Variants in GSG1L observed in about 807,000 individuals in gnomAD.
GSG1L encodes the protein germ cell-specific gene 1-like protein.
In GSG1L, 24 loss-of-function variants were observed where a neutral mutation model predicts 42.1. The observed-to-expected ratio is 0.57, with a 90% confidence interval of 0.41 to 0.80. GSG1L has a LOEUF of 0.80. GSG1L is among the 30% of genes least tolerant of loss of function. The probability of loss-of-function intolerance (pLI) is 0.00; values close to 1 mark genes in which losing one functional copy is unlikely to be tolerated. For missense variants in GSG1L, 445 were observed against 472.2 expected, an observed-to-expected ratio of 0.94 and a Z score of 0.53; for synonymous variants, 215 against 203.5, an observed-to-expected ratio of 1.06 and a Z score of -0.48.
intron 6 of GSG1L, among the ~76,000 whole-genome samples, chr16:27,803,337 C>T (rs1436752423): frequency 6.6e-6 from 1 of 152,074 alleles, no homozygotes; most frequent in Non-Finnish European, 1.5e-5. Flanking sequence ...TGCGGCAGCC[C>T]TTGAACAATG....
At chr16:28,039,582 C>T (rs2086081488) in intron 1 of GSG1L, among the ~76,000 whole-genome samples, 1 of 150,372 alleles carries the variant, frequency 6.7e-6, no homozygotes, top group African/African-American at 2.4e-5. Flanking sequence ...CACACGCGCA[C>T]ACATGCACAT....
intron 1 of GSG1L, among the ~76,000 whole-genome samples, chr16:27,969,952 T>G (rs1228867126): frequency 6.6e-6 from 1 of 152,246 alleles, no homozygotes; most frequent in African/African-American, 2.4e-5. Flanking sequence ...ATTTTCTTAA[T>G]GACTAATGAT....
At chr16:28,024,206 C>T (rs578200806) in intron 1 of GSG1L, among the ~76,000 whole-genome samples, 20 of 152,238 alleles carry the variant, frequency 1.3e-4, no homozygotes, top group South Asian at 4.1e-4. Flanking sequence ...AACTCGATGC[C>T]CCCAGGGTTC....
chr16:27,974,984 T>G (rs1002029623), intron 1 of GSG1L, among the ~76,000 whole-genome samples: 1 of 151,988 alleles, frequency 6.6e-6, no homozygotes, highest in Admixed American at 6.6e-5. Flanking sequence ...GAAAGGAGCC[T>G]GGAAGAGGTG....
At chr16:28,057,215 T>C (rs987805281) in intron 1 of GSG1L, among the ~76,000 whole-genome samples, 5 of 151,960 alleles carry the variant, frequency 3.3e-5, no homozygotes, top group African/African-American at 1.2e-4. Context: ...CCGCCTCAGA[T>C]GGAACAGGGA....
Position 27,884,410 on chromosome 16 carries a change from C to A in GSG1L, c.550+76G>T. 1.4e-6 allele frequency: 2 copies of A among 1,404,348 alleles called. No individual in the cohort carries two copies. Among genetic ancestry groups the A allele is most frequent in the Non-Finnish European group, 1.9e-6 (2 of 1,041,448 alleles). The allele number at this position is 1,404,348 out of a possible 1,614,324, so 87.0% of individuals were successfully genotyped here. On this transcript the variant is annotated intron_variant, in intron 3 of 6. Transcript: ENST00000447459. This position sits in a 1 kb window ranked among gnomAD's most constrained non-coding sequence, Gnocchi z 4.4. ...TTTGTCCAATGCCTCCCGGTTGGTA[C>A]AACCAGGGCTTACTCCAAGGGCAGC...
At chr16:27,895,988 C>A (rs1051545422) in intron 2 of GSG1L, among the ~76,000 whole-genome samples, 1 of 152,156 alleles carries the variant, frequency 6.6e-6, no homozygotes, top group African/African-American at 2.4e-5. Flanking sequence ...GGTCTACAAA[C>A]CAGCAGCGTC....
chr16:27,824,633 T>C (rs986689776), intron 5 of GSG1L, among the ~76,000 whole-genome samples: 3 of 152,180 alleles, frequency 2.0e-5, no homozygotes, highest in Admixed American at 6.5e-5. Context: ...TAAAATTTGA[T>C]GAACCTCTGC....
In GSG1L at chr16:27,996,576, G is replaced by A. The variant is rs181400920; in HGVS notation, c.350-33373C>T. 2.6e-5 allele frequency among the ~76,000 whole-genome samples: 4 copies of A among 152,086 alleles called. No homozygotes were observed. The East Asian group carries it at 7.7e-4, about 29-fold the overall frequency. On this transcript the variant is annotated intron_variant, in intron 1 of 6. Coordinates refer to ENST00000447459, the MANE Select transcript of GSG1L (RefSeq NM_001109763.2). The stretch of plus-strand genomic sequence containing the variant: ...GAATATTAGTAGTACATGGAAAAGT[G>A]GGGACCTCACTGAAGTTTGAGACCC...
chr16:27,968,692 C>T (rs186536232), intron 1 of GSG1L, among the ~76,000 whole-genome samples: 1 of 152,300 alleles, frequency 6.6e-6, no homozygotes, highest in Non-Finnish European at 1.5e-5. Flanking sequence ...GCAGCAGGCT[C>T]CCAGCTCTCA....
intron 2 of GSG1L, among the ~76,000 whole-genome samples, chr16:27,911,490 C>T (rs983535547): frequency 1.2e-4 from 19 of 152,180 alleles, no homozygotes; most frequent in Non-Finnish European, 2.2e-4. Context: ...TGGTGTTTGG[C>T]CATGTTGGCC....
intron 6 of GSG1L, among the ~76,000 whole-genome samples, chr16:27,795,075 T>C (rs1192061777): frequency 6.6e-6 from 1 of 152,060 alleles, no homozygotes; most frequent in African/African-American, 2.4e-5. Context: ...CCAATGAAAC[T>C]GGGGATGGGA....
At chr16:27,837,046 C>G (rs557602005) in intron 4 of GSG1L, among the ~76,000 whole-genome samples, 1 of 152,276 alleles carries the variant, frequency 6.6e-6, no homozygotes, top group South Asian at 2.1e-4. Context: ...CTAGGTTTCC[C>G]ACTGGGCGAG....
At position 27,947,378 on chromosome 16, in the gene GSG1L, G is replaced by GAAAGAA. The variant is rs1312779033; in HGVS notation, c.397+15772_397+15777dup. ...GAAGGAGGAGGAGGAGAGAAAGAAA[G>GAAAGAA]AAAGAAAAAGAAAGAAAGAAAGAAA... On this transcript the variant is annotated intron_variant, in intron 2 of 6. Coordinates refer to ENST00000447459, the MANE Select transcript of GSG1L (RefSeq NM_001109763.2). Among the ~76,000 whole-genome samples, 8 of 94,216 alleles carry GAAAGAA rather than the reference G, an allele frequency of 8.5e-5. No homozygotes were observed. In the Admixed American group the frequency reaches 1.1e-3, roughly 13 times the overall value. The allele number at this position is 94,216 out of a possible 152,430, so 61.8% of individuals were successfully genotyped here. A position where few individuals can be genotyped will look rare whatever the true frequency, so the allele number is the denominator to read the frequency against.
Position 27,865,610 on chromosome 16 carries a change from C to CAT in GSG1L, c.550+18875_550+18876insAT, listed in dbSNP as rs1328270979. On this transcript the variant is annotated intron_variant, in intron 3 of 6. Coordinates refer to ENST00000447459, the MANE Select transcript of GSG1L (RefSeq NM_001109763.2). Reference sequence around the variant, plus strand: ...ACATACATACACACACATATATATACACACACACACATATATATGTGTGTA... The same window carrying CAT: ...ACATACATACACACACATATATATACATACACACACACATATATATGTGTGTA... 1.6e-3 allele frequency among the ~76,000 whole-genome samples: 208 copies of CAT among 133,912 alleles called. 2 individuals carry two copies. Among genetic ancestry groups the CAT allele is most frequent in the Non-Finnish European group, 2.1e-3 (130 of 62,312 alleles). The allele number at this position is 133,912 out of a possible 152,430, so 87.9% of individuals were successfully genotyped here.
At position 27,871,055 on chromosome 16, in the gene GSG1L, A is replaced by G. The variant is rs368081992; in HGVS notation, c.550+13431T>C. 6.1e-5 allele frequency among the ~76,000 whole-genome samples: 9 copies of G among 147,190 alleles called. No homozygotes were observed. The East Asian group carries it at 1.7e-3, about 28-fold the overall frequency. On this transcript the variant is annotated intron_variant, in intron 3 of 6. Transcript: ENST00000447459. ...CCTAGCCTGGCATCCAAGTCCAGCC[A>G]TGACCTGACCTCACTTTCCCCTTTC...
At chr16:27,799,704 T>C (rs566887451) in intron 6 of GSG1L, among the ~76,000 whole-genome samples, 8 of 152,252 alleles carry the variant, frequency 5.3e-5, no homozygotes, top group African/African-American at 1.7e-4. Context: ...GCCAGATTCC[T>C]ACTAGAGCTG....
At position 28,063,189 on chromosome 16, in the gene GSG1L, T is replaced by G; in HGVS notation, c.236A>C (p.Asn79Thr). 1.5e-6 allele frequency: 2 copies of G among 1,308,980 alleles called. No homozygotes were observed. Among genetic ancestry groups the G allele is most frequent in the Non-Finnish European group, 9.7e-7 (1 of 1,028,472 alleles). The allele number at this position is 1,308,980 out of a possible 1,614,324, so 81.1% of individuals were successfully genotyped here. A position where few individuals can be genotyped will look rare whatever the true frequency, so the allele number is the denominator to read the frequency against. ...AAAAAATASG[N>T]GPPGGALYSW... ...GTAGAGCGCGCCGCCAGGGGGGCCG[T>G]TCCCCGAGGCGGTGGCGGCGGCGGC... The change falls in exon 1 of 7, where the codon AAC (asparagine) becomes ACC (threonine). Residue 79 changes from asparagine (N) to threonine (T), a missense_variant. Physicochemically the swap from Asn to Thr is moderately conservative, Grantham distance 65. This residue lies in a region of GSG1L where 156 missense variants were observed against 128.3 expected (regional missense o/e 1.22). Transcript: ENST00000447459. The surrounding 1 kb of genome is among the most constrained non-coding windows in gnomAD (Gnocchi z 5.8).
chr16:27,941,919 T>G (rs2084802470), intron 2 of GSG1L, among the ~76,000 whole-genome samples: 3 of 152,124 alleles, frequency 2.0e-5, no homozygotes, highest in African/African-American at 4.8e-5. Flanking sequence ...AGATAGGAAG[T>G]AGAATGGTGA....
Sources: gnomAD v4.1 joint callset for allele counts (sites outside exome capture counted in the v4.1 genomes callset) on GRCh38, gnomAD v4.1.1 for gene constraint, gnomAD v4.1.1 regional missense constraint, Gnocchi (gnomAD v3.1) non-coding constraint, MANE v1.5 for transcripts, NCBI Gene and HGNC (gene_info 2026-07-23, HGNC 2026-07-21) for gene names.